The following SNX10 variants were observed in gnomAD, a reference collection of about 807,000 sequenced individuals.
The protein encoded by SNX10 is sorting nexin 10.
In SNX10, 25 loss-of-function variants were observed where a neutral mutation model predicts 28.5. That is an observed-to-expected ratio of 0.88 (90% CI 0.64 to 1.22). The LOEUF is 1.22. SNX10 is among the 50% of genes most tolerant of loss of function. SNX10 has a pLI of 0.00. For synonymous variants in SNX10, 62 were observed against 81.4 expected, an observed-to-expected ratio of 0.76 and a Z score of 1.28; for missense variants, 223 against 242.6, an observed-to-expected ratio of 0.92 and a Z score of 0.54.
chr7:26,337,068 C>T (rs943290206), intron 1 of SNX10, among the ~76,000 whole-genome samples: 2 of 152,158 alleles, frequency 1.3e-5, no homozygotes, highest in Admixed American at 1.3e-4. Context: ...TTCCTACCAA[C>T]AGTATTTAGT....
intron 1 of SNX10, among the ~76,000 whole-genome samples, chr7:26,324,988 C>T (rs955380472): frequency 4.0e-5 from 6 of 151,806 alleles, no homozygotes; most frequent in Admixed American, 6.6e-5. Flanking sequence ...ATAGGGATAC[C>T]GTGGAGACAT....
intron 2 of SNX10, among the ~76,000 whole-genome samples, chr7:26,358,805 G>GGTTTTTTTTTTTT (rs1554360945): frequency 2.0e-5 from 2 of 100,112 alleles, no homozygotes; most frequent in Admixed American, 1.1e-4. Flanking sequence ...GTTATCTTGT[G>GGTTTTTTTTTTTT]TTTTTTTTTT....
chr7:26,298,913 C>T (rs899917437), intron 1 of SNX10, among the ~76,000 whole-genome samples: 11 of 152,168 alleles, frequency 7.2e-5, no homozygotes, highest in African/African-American at 2.7e-4. Flanking sequence ...ATCACGAGGG[C>T]CCCACCCTTT....
At chr7:26,310,348 G>C (rs1786779037) in intron 1 of SNX10, among the ~76,000 whole-genome samples, 2 of 152,334 alleles carry the variant, frequency 1.3e-5, no homozygotes, top group South Asian at 4.1e-4. Context: ...ACTGTGCTAA[G>C]TGCTAAAGTT....
intron 1 of SNX10, among the ~76,000 whole-genome samples, chr7:26,307,820 T>C (rs1786658158): frequency 1.3e-5 from 2 of 152,166 alleles, no homozygotes; most frequent in Non-Finnish European, 2.9e-5. Context: ...TTGGTAACAG[T>C]TGATGAACCT....
intron 5 of SNX10, among the ~76,000 whole-genome samples, chr7:26,365,423 C>G (rs976855516): frequency 1.1e-4 from 17 of 152,142 alleles, no homozygotes; most frequent in African/African-American, 4.1e-4. Context: ...ATTACCTGGG[C>G]GTTTAGCTGA....
At chr7:26,312,272 A>C (rs1786879437) in intron 1 of SNX10, among the ~76,000 whole-genome samples, 2 of 152,180 alleles carry the variant, frequency 1.3e-5, no homozygotes, top group Admixed American at 1.3e-4. Flanking sequence ...GGAAGCCATA[A>C]GGAAAACCTT....
intron 1 of SNX10, among the ~76,000 whole-genome samples, chr7:26,338,821 C>G (rs116232988): frequency 0.01 from 1,562 of 152,262 alleles, 26 homozygotes; most frequent in African/African-American, 0.036. Context: ...TTCCTGTCTT[C>G]TGTGCCTGGG....
intron 1 of SNX10, among the ~76,000 whole-genome samples, chr7:26,302,522 C>G (rs1335601366): frequency 6.6e-6 from 1 of 152,242 alleles, no homozygotes; most frequent in Non-Finnish European, 1.5e-5. Flanking sequence ...TACAGCTTCT[C>G]TCTTAAGCAC....
At chr7:26,333,009 T>C (rs1267078716) in intron 1 of SNX10, among the ~76,000 whole-genome samples, 2 of 152,210 alleles carry the variant, frequency 1.3e-5, no homozygotes, top group Non-Finnish European at 2.9e-5. Context: ...GAAGTGGGAA[T>C]CCTCCTGCTT....
In SNX10 at chr7:26,374,262, G is replaced by A. The variant is rs1322884417; in HGVS notation, c.*1690G>A. ...ACATAGCCATCAAAATTAATATTATGTAATGCCTAATACTTAGTATGTAAA... is the reference window on the plus strand; with the variant it reads ...ACATAGCCATCAAAATTAATATTATATAATGCCTAATACTTAGTATGTAAA... On this transcript the variant is annotated 3_prime_UTR_variant, in exon 7 of 7. Coordinates refer to ENST00000338523, the MANE Select transcript of SNX10 (RefSeq NM_013322.3). 1 of 151,882 alleles carries A rather than the reference G, an allele frequency of 6.6e-6. No individual in the cohort carries two copies. Among genetic ancestry groups the A allele is most frequent in the Non-Finnish European group, 1.5e-5 (1 of 67,886 alleles). 9.4% of individuals were successfully genotyped at this position (151,882 alleles called of 1,614,324 possible).
intron 1 of SNX10, chr7:26,293,024 C>G (rs1381492559): frequency 6.6e-6 from 1 of 152,298 alleles, no homozygotes; most frequent in East Asian, 1.9e-4. Context: ...AGGCTGAGGC[C>G]TTCGCCAGGA....
chr7:26,356,349 A>G (rs1245402446), intron 2 of SNX10, among the ~76,000 whole-genome samples: 2 of 152,216 alleles, frequency 1.3e-5, no homozygotes, highest in Non-Finnish European at 2.9e-5. Context: ...TAAATTGACT[A>G]ACTGCAGCTG....
chr7:26,318,720 C>G (rs924182444), intron 1 of SNX10, among the ~76,000 whole-genome samples: 57 of 152,332 alleles, frequency 3.7e-4, no homozygotes, highest in African/African-American at 1.4e-3. Context: ...ATCTGTTTGC[C>G]TTGGCCTCCC....
chr7:26,311,190 G>A (rs1288057060), intron 1 of SNX10, among the ~76,000 whole-genome samples: 2 of 151,608 alleles, frequency 1.3e-5, no homozygotes, highest in African/African-American at 4.8e-5. Flanking sequence ...TCGCTCTGTC[G>A]CCCAGGCTGG....
intron 1 of SNX10, among the ~76,000 whole-genome samples, chr7:26,303,071 T>C (rs1249191222): frequency 6.6e-6 from 1 of 152,240 alleles, no homozygotes; most frequent in Non-Finnish European, 1.5e-5. Flanking sequence ...CCTCCTCAGC[T>C]AAAATCAGCT....
At chr7:26,322,273 G>A (rs981977620) in intron 1 of SNX10, among the ~76,000 whole-genome samples, 20 of 152,210 alleles carry the variant, frequency 1.3e-4, no homozygotes, top group Admixed American at 1.2e-3. Context: ...AACATTGGGA[G>A]TCTTGCACAG....
At chr7:26,341,316 A>C (rs1397855715) in intron 1 of SNX10, among the ~76,000 whole-genome samples, 1 of 152,098 alleles carries the variant, frequency 6.6e-6, no homozygotes, top group Non-Finnish European at 1.5e-5. Context: ...ATAAAATAAA[A>C]ATAATAATTC....
chr7:26,334,900 T>A (rs967122463), intron 1 of SNX10, among the ~76,000 whole-genome samples: 1 of 152,240 alleles, frequency 6.6e-6, no homozygotes, highest in Non-Finnish European at 1.5e-5. Context: ...TGGGCCTGGT[T>A]TGCAGATGGT....
Sources: gnomAD v4.1 joint callset for allele counts (sites outside exome capture counted in the v4.1 genomes callset) on GRCh38, gnomAD v4.1.1 for gene constraint, MANE v1.5 for transcripts, NCBI Gene and HGNC (gene_info 2026-07-23, HGNC 2026-07-21) for gene names.